TAF4: variants seen among roughly 807,000 people sequenced by gnomAD.
The protein encoded by TAF4 is transcription initiation factor TFIID subunit 4.
TAF4 carries 9 observed loss-of-function variants against 90.3 expected under a neutral mutation model. The ratio of observed to expected loss-of-function variants is 0.10; its 90% confidence interval spans 0.06 to 0.17. TAF4 has a LOEUF of 0.17. Among genes scored for constraint, TAF4 ranks in the 10% least tolerant of loss-of-function variants. TAF4 has a pLI of 1.00. For synonymous variants in TAF4, 818 were observed against 638.9 expected (o/e 1.28, Z -4.23); for missense variants, 1,351 against 1,370.7 (o/e 0.99, Z 0.23).
At chr20:61,999,373 A>C (rs1449599482) in intron 11 of TAF4, among the ~76,000 whole-genome samples, 4 of 152,216 alleles carry the variant, frequency 2.6e-5, no homozygotes, top group Non-Finnish European at 5.9e-5. Context: ...ATGCTGTCAG[A>C]TTTCTTAAAG....
At chr20:62,005,543 C>G (rs2055739182) in intron 7 of TAF4, 1 of 152,278 alleles carries the variant, frequency 6.6e-6, no homozygotes, top group Admixed American at 6.5e-5. Flanking sequence ...CAGGGAAGTT[C>G]TGTCCTTACA....
At chr20:61,999,138 A>G in intron 11 of TAF4, 30 bp from the exon 12 acceptor site, 1 of 1,610,866 alleles carries the variant, frequency 6.2e-7, no homozygotes, top group Non-Finnish European at 8.5e-7. Context: ...ACTGCTTGTC[A>G]TAAATCTGAG....
At chr20:62,009,304 C>T (rs2296088) in intron 4 of TAF4, 130 bp from the exon 5 acceptor site, 128,201 of 992,560 alleles carry the variant, frequency 0.13, 10,682 homozygotes, top group East Asian at 0.45. Context: ...TTCAAGAAAA[C>T]GCACCACCTC....
chr20:61,977,644 TCCGTTCAGACGC>T (rs1339277444), intron 14 of TAF4, among the ~76,000 whole-genome samples: 1 of 152,188 alleles, frequency 6.6e-6, no homozygotes, highest in Non-Finnish European at 1.5e-5. Context: ...GGCACCTGTC[TCCGTTCAGACGC>T]CCTGCGCTGT....
chr20:62,042,387 T>G (rs2055968540), intron 1 of TAF4, among the ~76,000 whole-genome samples: 1 of 152,204 alleles, frequency 6.6e-6, no homozygotes, highest in African/African-American at 2.4e-5. Flanking sequence ...ATCCTTCAAG[T>G]CCGTGTGACC....
chr20:62,064,506 GC>G lies in TAF4; in HGVS notation c.1304del (p.Arg435ProfsTer32). On this transcript the variant is annotated frameshift_variant, in exon 1 of 15. Transcript: ENST00000252996. LOFTEE classifies it high-confidence loss of function. ...TCGGGTTCTGAGGCGGCTGCGGCAA[GC>G]GGGGGGCCAGCACGGTGGGCGTCAG... The part of the protein sequence containing the change: ...ATLTPTVLAP[R>X]LPQPPQNPTN... 1 of 1,520,426 alleles carries G rather than the reference GC, an allele frequency of 6.6e-7. No individual in the cohort carries two copies. The highest frequency in any genetic ancestry group is 2.6e-5 in the East Asian group (1 of 38,524). The allele number at this position is 1,520,426 out of a possible 1,614,324, so 94.2% of individuals were successfully genotyped here. A position where few individuals can be genotyped will look rare whatever the true frequency, so the allele number is the denominator to read the frequency against.
chr20:62,040,350 G>A (rs780152278), intron 1 of TAF4, among the ~76,000 whole-genome samples: 18 of 152,322 alleles, frequency 1.2e-4, no homozygotes, highest in Non-Finnish European at 1.6e-4. Flanking sequence ...GAAGTATCCC[G>A]CCAAGGGAAA....
chr20:62,059,429 A>G (rs1464839150), intron 1 of TAF4, among the ~76,000 whole-genome samples: 1 of 152,256 alleles, frequency 6.6e-6, no homozygotes, highest in Non-Finnish European at 1.5e-5. Context: ...ATTTTCGAAC[A>G]TAACTTGACA....
chr20:62,041,071 G>A (rs1411981508), intron 1 of TAF4, among the ~76,000 whole-genome samples: 2 of 152,202 alleles, frequency 1.3e-5, no homozygotes, highest in Non-Finnish European at 2.9e-5. Context: ...GGACACCAGG[G>A]AGCACACAAC....
chr20:62,017,812 C>A (rs753254186), intron 1 of TAF4, among the ~76,000 whole-genome samples: 16 of 147,824 alleles, frequency 1.1e-4, no homozygotes, highest in Non-Finnish European at 1.8e-4. Context: ...CCAGCCTGGA[C>A]GACAGAGCAA....
At chr20:62,002,158 C>T (rs1029561766) in intron 9 of TAF4, among the ~76,000 whole-genome samples, 7 of 152,194 alleles carry the variant, frequency 4.6e-5, no homozygotes, top group South Asian at 2.1e-4. Context: ...TTCTTTCACC[C>T]GTGTATGTCC....
chr20:62,033,011 C>T lies in TAF4; in HGVS notation c.1361-18304G>A, dbSNP rs115168634. On this transcript the variant is annotated intron_variant, in intron 1 of 14. Coordinates refer to ENST00000252996, the MANE Select transcript of TAF4 (RefSeq NM_003185.4). ...GGAAGCAGCTGGGAAATGATGGATGCGGGGGGAAAAAAAGAGGGGAGGCAG... is the reference window on the plus strand; with the variant it reads ...GGAAGCAGCTGGGAAATGATGGATGTGGGGGGAAAAAAAGAGGGGAGGCAG... Among the ~76,000 whole-genome samples the T allele has an allele frequency of 6.0e-3, 914 of 151,306 alleles. 9 individuals carry two copies. Among genetic ancestry groups the T allele is most frequent in the African/African-American group, 0.021 (880 of 41,176 alleles).
intron 1 of TAF4, among the ~76,000 whole-genome samples, chr20:62,034,989 T>G (rs554397955): frequency 3.9e-5 from 6 of 151,970 alleles, no homozygotes; most frequent in Admixed American, 3.9e-4. Flanking sequence ...CCCAGCTAAT[T>G]TTTTGTATTT....
chr20:62,037,180 GA>G (rs36011119), intron 1 of TAF4, among the ~76,000 whole-genome samples: 82,341 of 151,910 alleles, frequency 0.54, 22,728 homozygotes, highest in Middle Eastern at 0.66. Flanking sequence ...AGAGAAGACA[GA>G]CTGCCTCCCC....
chr20:62,042,958 C>T (rs1301272353), intron 1 of TAF4, among the ~76,000 whole-genome samples: 4 of 152,058 alleles, frequency 2.6e-5, no homozygotes, highest in Admixed American at 2.0e-4. Context: ...ACTCTGTAGG[C>T]CTAGGCTAAC....
intron 14 of TAF4, chr20:61,978,834 T>C (rs546160952): frequency 2.0e-5 from 3 of 153,676 alleles, no homozygotes; most frequent in Non-Finnish European, 4.4e-5. Context: ...AGGTGCACTA[T>C]GAATGAACAA....
intron 3 of TAF4, 190 bp downstream of exon 3, chr20:62,012,625 G>T: frequency 2.4e-5 from 17 of 720,756 alleles, no homozygotes; most frequent in African/African-American, 3.8e-5. Context: ...AAGAAAAAAA[G>T]AAATCCTGAC....
In TAF4 at chr20:61,987,525, G is replaced by A. The variant is rs187268346; in HGVS notation, c.3090+10025C>T. ...ACCAGGGAGATGCAAATTAAAACAA[G>A]ATGCACACACCTACTAGAGCGGCCA... On this transcript the variant is annotated intron_variant, in intron 14 of 14. Coordinates refer to ENST00000252996, the MANE Select transcript of TAF4 (RefSeq NM_003185.4). 2.0e-4 allele frequency among the ~76,000 whole-genome samples: 31 copies of A among 152,330 alleles called. 1 individual carries two copies. The highest frequency in any genetic ancestry group is 7.5e-4 in the African/African-American group (31 of 41,570).
rs978902462 is a variant in TAF4, at chr20:62,064,762, A to G, written c.1049T>C (p.Val350Ala). 1.7e-6 allele frequency: 2 copies of G among 1,146,238 alleles called. No individual in the cohort carries two copies. Among genetic ancestry groups the G allele is most frequent in the Non-Finnish European group, 2.1e-6 (2 of 938,920 alleles). 71.0% of individuals were successfully genotyped at this position (1,146,238 alleles called of 1,614,324 possible). The change falls in exon 1 of 15, where the codon GTG becomes GCG. Residue 350 changes from valine to alanine, a missense_variant. Physicochemically the swap from Val to Ala is moderately conservative, Grantham distance 64. This residue lies in a region of TAF4 where 782 missense variants were observed against 536.6 expected (regional missense o/e 1.46). Coordinates refer to ENST00000252996, the MANE Select transcript of TAF4 (RefSeq NM_003185.4). ...PGVKAESPKRVVQAAPPAAQT... is the reference protein window; with the variant it reads ...PGVKAESPKRAVQAAPPAAQT... ...CGCCGCCGGGGGCGCCGCCTGCACC[A>G]CCCTCTTGGGCGACTCGGCCTTGAC...
Sources: allele counts gnomAD v4.1 joint callset (sites outside exome capture counted in the v4.1 genomes callset), GRCh38; gene constraint gnomAD v4.1.1; regional missense constraint gnomAD v4.1.1; transcripts MANE v1.5; gene names NCBI Gene and HGNC (gene_info 2026-07-23, HGNC 2026-07-21).